The following DLG2 variants were observed in gnomAD, a reference collection of about 807,000 sequenced individuals.
DLG2 encodes the protein discs large MAGUK scaffold protein 2.
DLG2 carries 45 observed loss-of-function variants against 132.5 expected under a neutral mutation model. The observed-to-expected ratio is 0.34, with a 90% CI of 0.27 to 0.44. DLG2 has a LOEUF of 0.44. Ranked by LOEUF, DLG2 falls within the 20% of genes least tolerant of loss-of-function variation. DLG2 has a pLI of 1.00. For missense variants in DLG2, 1,045 were observed against 1,196.9 expected, an observed-to-expected ratio of 0.87 and a Z score of 1.87; for synonymous variants, 424 against 419.6, an observed-to-expected ratio of 1.01 and a Z score of -0.13.
chr11:84,592,185 T>C (rs186937521), intron 6 of DLG2, among the ~76,000 whole-genome samples: 80 of 152,260 alleles, frequency 5.3e-4, no homozygotes, highest in African/African-American at 1.8e-3. Flanking sequence ...AGCTCACCGG[T>C]TGGTTGCTAA....
Position 83,958,000 on chromosome 11 carries a change from T to C in DLG2, c.1340+4885A>G, listed in dbSNP as rs186125763. ...TTCCTTTGTAGCACTTAGCACTAAC[T>C]GAACTTAATGCATTTATTTATACAT... is the stretch of plus-strand genomic sequence containing the variant. On this transcript the variant is annotated intron_variant, in intron 14 of 27. Coordinates refer to ENST00000376104, the MANE Select transcript of DLG2 (RefSeq NM_001142699.3). Among the ~76,000 whole-genome samples the C allele has an allele frequency of 2.4e-3, 360 of 152,340 alleles. 2 individuals carry two copies. The highest frequency in any genetic ancestry group is 8.5e-3 in the African/African-American group (353 of 41,582).
At chr11:85,064,049 A>G (rs2064500089) in intron 6 of DLG2, among the ~76,000 whole-genome samples, 2 of 151,880 alleles carry the variant, frequency 1.3e-5, no homozygotes, top group South Asian at 2.1e-4. Context: ...ATCCATGGGT[A>G]TGTTTGTTAA....
rs10573464 is a variant in DLG2, at chr11:83,720,294, GAAAAAAAAAAA to G, written c.1825+66385_1825+66395del. On this transcript the variant is annotated intron_variant, in intron 18 of 27. Coordinates refer to ENST00000376104, the MANE Select transcript of DLG2 (RefSeq NM_001142699.3). ...GGTGACAGAGTGAGACTCCATCTCA[GAAAAAAAAAAA>G]AAAAAAAAAAAAAAAAAAAAAGAAT... 8.4e-3 allele frequency among the ~76,000 whole-genome samples: 230 copies of G among 27,314 alleles called. 1 individual carries two copies. The highest frequency in any genetic ancestry group is 0.027 in the African/African-American group (188 of 7,068). 17.9% of individuals were successfully genotyped at this position (27,314 alleles called of 152,430 possible).
chr11:84,768,429 T>G (rs2068748286), intron 6 of DLG2, among the ~76,000 whole-genome samples: 1 of 152,102 alleles, frequency 6.6e-6, no homozygotes, highest in African/African-American at 2.4e-5. Context: ...AGAGTGTCAC[T>G]TCAGAAATTA....
At chr11:84,366,250 G>A (rs2154425909) in intron 7 of DLG2, among the ~76,000 whole-genome samples, 1 of 151,946 alleles carries the variant, frequency 6.6e-6, no homozygotes. Flanking sequence ...ATACTTTACG[G>A]ACAAGCAAAT....
At chr11:85,495,165 G>A (rs1267756073) in intron 3 of DLG2, among the ~76,000 whole-genome samples, 1 of 152,024 alleles carries the variant, frequency 6.6e-6, no homozygotes, top group African/African-American at 2.4e-5. Flanking sequence ...CACTACATTG[G>A]CAAAAGTACT....
intron 9 of DLG2, among the ~76,000 whole-genome samples, chr11:84,152,668 A>T (rs6592166): frequency 1.3e-5 from 2 of 151,912 alleles, no homozygotes; most frequent in African/African-American, 4.8e-5. Flanking sequence ...TTACAGGCGT[A>T]AGCCACCGCG....
chr11:83,833,573 G>A lies in DLG2; in HGVS notation c.1722+41C>T, dbSNP rs146513903. ...AAGTTATGACTTTTTCATTGATGGC[G>A]TCAGATATGGAGGGAATAAAGATTA... On this transcript the variant is annotated intron_variant, in intron 17 of 27. Transcript: ENST00000376104. 3.5e-4 allele frequency: 526 copies of A among 1,521,262 alleles called. No homozygotes were observed. The Middle Eastern group carries it at 5.5e-3, about 16-fold the overall frequency. The allele number at this position is 1,521,262 out of a possible 1,614,324, so 94.2% of individuals were successfully genotyped here.
At chr11:85,342,012 G>A (rs1409854608) in intron 3 of DLG2, among the ~76,000 whole-genome samples, 2 of 152,206 alleles carry the variant, frequency 1.3e-5, no homozygotes, top group South Asian at 2.1e-4. Context: ...GTGGGACTCT[G>A]ATGAGTCAAT....
rs536864720 is a variant in DLG2, at chr11:85,457,208, T to C, written c.40+141449A>G. On this transcript the variant is annotated intron_variant, in intron 3 of 27. Transcript: ENST00000376104. ...TCTTTTTTTTTTTTTTTTATCTTTG[T>C]TGGGCTTAAAGTCTCTTTTGTCTGA... Among the ~76,000 whole-genome samples, 6 of 152,030 alleles carry C rather than the reference T, an allele frequency of 3.9e-5. No homozygotes were observed. In the South Asian group the frequency reaches 1.0e-3, roughly 26 times the overall value.
intron 6 of DLG2, among the ~76,000 whole-genome samples, chr11:84,656,252 T>A (rs150417462): frequency 1.1e-3 from 164 of 152,250 alleles, no homozygotes; most frequent in Middle Eastern, 3.4e-3. Context: ...GTATAACCAG[T>A]CCAATCTTTC....
intron 24 of DLG2, among the ~76,000 whole-genome samples, chr11:83,469,788 C>T (rs946758381): frequency 7.9e-5 from 12 of 152,132 alleles, no homozygotes; most frequent in Non-Finnish European, 7.4e-5. Flanking sequence ...ACTCTACACC[C>T]ATCTTCACAA....
At chr11:84,251,977 T>G (rs1488435752) in intron 7 of DLG2, among the ~76,000 whole-genome samples, 2 of 152,050 alleles carry the variant, frequency 1.3e-5, no homozygotes, top group Non-Finnish European at 2.9e-5. Context: ...TAAAGGAATT[T>G]GATTTCTCTC....
intron 16 of DLG2, among the ~76,000 whole-genome samples, chr11:83,871,859 A>T (rs1005242960): frequency 6.6e-6 from 1 of 152,236 alleles, no homozygotes; most frequent in Non-Finnish European, 1.5e-5. Flanking sequence ...CTTCAAACTA[A>T]TCTAGCCTAT....
intron 6 of DLG2, among the ~76,000 whole-genome samples, chr11:84,561,441 A>G (rs746363523): frequency 3.9e-5 from 6 of 152,094 alleles, no homozygotes; most frequent in African/African-American, 9.7e-5. Context: ...CTAGCAGCCA[A>G]TGTTCTCTCT....
At chr11:84,536,352 C>T (rs921702270) in intron 6 of DLG2, among the ~76,000 whole-genome samples, 2 of 152,056 alleles carry the variant, frequency 1.3e-5, no homozygotes, top group South Asian at 2.1e-4. Flanking sequence ...TATCATCAGC[C>T]TCTCCTCTAC....
At chr11:85,528,980 T>C (rs1013078348) in intron 3 of DLG2, among the ~76,000 whole-genome samples, 1 of 152,146 alleles carries the variant, frequency 6.6e-6, no homozygotes, top group Non-Finnish European at 1.5e-5. Context: ...ATTCATAACA[T>C]GAAATACTAT....
intron 7 of DLG2, among the ~76,000 whole-genome samples, chr11:84,489,777 A>G (rs2099160057): frequency 1.3e-5 from 2 of 152,108 alleles, no homozygotes; most frequent in South Asian, 4.1e-4. Flanking sequence ...TCCTCCATGA[A>G]ACCCTTCCTA....
chr11:84,983,270 C>T (rs1377185550), intron 6 of DLG2, among the ~76,000 whole-genome samples: 2 of 152,128 alleles, frequency 1.3e-5, no homozygotes, highest in Non-Finnish European at 2.9e-5. Context: ...AAATACTGTG[C>T]TGGTATCCAT....
Sources: allele counts gnomAD v4.1 joint callset (sites outside exome capture counted in the v4.1 genomes callset), GRCh38; gene constraint gnomAD v4.1.1; transcripts MANE v1.5; gene names NCBI Gene and HGNC (gene_info 2026-07-23, HGNC 2026-07-21).